SGCZ: variants seen among roughly 807,000 people sequenced by gnomAD.
SGCZ encodes the protein sarcoglycan zeta, also known as zeta-sarcoglycan.
SGCZ carries 40 observed loss-of-function variants against 41.3 expected under a neutral mutation model. The ratio of observed to expected loss-of-function variants is 0.97; its 90% CI spans 0.75 to 1.26. SGCZ has a LOEUF of 1.26. Among genes scored for constraint, SGCZ ranks in the 50% most tolerant of loss-of-function variants. The pLI is 0.00. For synonymous variants in SGCZ, 206 were observed against 137.5 expected (o/e 1.50, Z -3.49); for missense variants, 552 against 369.8 (o/e 1.49, Z -4.04).
intron 1 of SGCZ, among the ~76,000 whole-genome samples, chr8:14,916,708 C>CTTTGTCAATCTA (rs1563361500): frequency 1.3e-5 from 2 of 152,128 alleles, no homozygotes; most frequent in Non-Finnish European, 1.5e-5. Flanking sequence ...AATCTAGACA[C>CTTTGTCAATCTA]GAGTAAAGTT....
intron 1 of SGCZ, among the ~76,000 whole-genome samples, chr8:14,734,960 A>G (rs1798982858): frequency 6.6e-6 from 1 of 152,178 alleles, no homozygotes; most frequent in Non-Finnish European, 1.5e-5. Flanking sequence ...TTGATTAATA[A>G]TTGCTTGTTA....
At chr8:14,341,750 A>C (rs190008657) in intron 2 of SGCZ, among the ~76,000 whole-genome samples, 32 of 152,206 alleles carry the variant, frequency 2.1e-4, no homozygotes, top group African/African-American at 7.5e-4. Flanking sequence ...ATGAGATCTG[A>C]TGGGTTTAAT....
chr8:14,914,430 T>G (rs1799366219), intron 1 of SGCZ, among the ~76,000 whole-genome samples: 1 of 152,254 alleles, frequency 6.6e-6, no homozygotes, highest in Non-Finnish European at 1.5e-5. Context: ...CTGAAAACTC[T>G]TATGCTCTGT....
chr8:14,451,821 C>G (rs1034744945), intron 2 of SGCZ, among the ~76,000 whole-genome samples: 1 of 152,202 alleles, frequency 6.6e-6, no homozygotes. Context: ...GTCCAGAACA[C>G]TGACAACCCC....
chr8:15,090,339 C>T (rs1806111987), intron 1 of SGCZ, among the ~76,000 whole-genome samples: 1 of 152,184 alleles, frequency 6.6e-6, no homozygotes, highest in South Asian at 2.1e-4. Flanking sequence ...TGACTTAAAT[C>T]ATCCTGAATA....
intron 1 of SGCZ, among the ~76,000 whole-genome samples, chr8:14,562,354 C>T (rs1804231558): frequency 6.6e-6 from 1 of 152,054 alleles, no homozygotes. Context: ...CATTATGAAT[C>T]TCACGTTTGA....
chr8:15,076,188 AT>A (rs1805524090), intron 1 of SGCZ, among the ~76,000 whole-genome samples: 1 of 152,146 alleles, frequency 6.6e-6, no homozygotes, highest in South Asian at 2.1e-4. Context: ...ATTCTTAGAA[AT>A]TTTTCATGAC....
chr8:14,267,545 G>T (rs971668526), intron 3 of SGCZ, among the ~76,000 whole-genome samples: 5 of 151,936 alleles, frequency 3.3e-5, no homozygotes, highest in Non-Finnish European at 5.9e-5. Flanking sequence ...TTCTGGTATC[G>T]CCTAGTCTCA....
intron 1 of SGCZ, among the ~76,000 whole-genome samples, chr8:15,216,442 G>A (rs1002621670): frequency 3.3e-5 from 5 of 151,734 alleles, no homozygotes; most frequent in African/African-American, 7.3e-5. Context: ...GGATGGTCTC[G>A]ATCTCCTGAC....
At chr8:14,299,595 C>T (rs1801121458) in intron 3 of SGCZ, among the ~76,000 whole-genome samples, 1 of 151,886 alleles carries the variant, frequency 6.6e-6, no homozygotes, top group South Asian at 2.1e-4. Context: ...ATGTGAATAT[C>T]TCTGACAACC....
intron 5 of SGCZ, among the ~76,000 whole-genome samples, chr8:14,154,094 G>T (rs1224185202): frequency 2.0e-5 from 3 of 152,070 alleles, no homozygotes; most frequent in Non-Finnish European, 4.4e-5. Context: ...TTTCTGGCCG[G>T]GCCCGGTGGC....
intron 1 of SGCZ, among the ~76,000 whole-genome samples, chr8:14,594,088 T>C (rs1912469): frequency 0.53 from 80,269 of 151,500 alleles, 21,816 homozygotes; most frequent in Non-Finnish European, 0.61. Flanking sequence ...CGTGGGAGAA[T>C]TGCTTCAGCC....
At chr8:14,883,245 A>T (rs1804662133) in intron 1 of SGCZ, among the ~76,000 whole-genome samples, 1 of 151,450 alleles carries the variant, frequency 6.6e-6, no homozygotes, top group Non-Finnish European at 1.5e-5. Flanking sequence ...TAAAAAAAAA[A>T]AAAAACCACA....
intron 6 of SGCZ, among the ~76,000 whole-genome samples, 186 bp from the exon 7 acceptor site, chr8:14,102,685 T>C (rs1471690525): frequency 6.6e-6 from 1 of 152,196 alleles, no homozygotes; most frequent in African/African-American, 2.4e-5. Context: ...AATTTTTGAT[T>C]GACGTATCTA....
chr8:15,220,355 T>C (rs145464287), intron 1 of SGCZ, among the ~76,000 whole-genome samples: 1 of 152,160 alleles, frequency 6.6e-6, no homozygotes. Context: ...ATAGTAAGCA[T>C]GTTTTCTTGA....
chr8:14,831,632 A>ATG (rs142488527), intron 1 of SGCZ, among the ~76,000 whole-genome samples: 21,866 of 150,692 alleles, frequency 0.15, 2,436 homozygotes, highest in African/African-American at 0.31. Flanking sequence ...ATAGACACAT[A>ATG]TGTGTGTGTG....
At chr8:14,669,256 G>A (rs1808017709) in intron 1 of SGCZ, among the ~76,000 whole-genome samples, 1 of 151,522 alleles carries the variant, frequency 6.6e-6, no homozygotes. Context: ...TACTCAGGAG[G>A]TGAGAGGCAG....
chr8:14,784,913 A>AAATATATATAT (rs1408574493), intron 1 of SGCZ, among the ~76,000 whole-genome samples: 5 of 88,038 alleles, frequency 5.7e-5, no homozygotes, highest in African/African-American at 2.3e-4. Flanking sequence ...AAAAAAAAAA[A>AAATATATATAT]ATATATATAT....
chr8:14,620,883 G>A (rs75443471), intron 1 of SGCZ, among the ~76,000 whole-genome samples: 118,434 of 151,986 alleles, frequency 0.78, 46,595 homozygotes, highest in Non-Finnish European at 0.83. Flanking sequence ...CAGTGTGGTG[G>A]TTCCTCAAGG....
Sources: allele counts gnomAD v4.1 joint callset (sites outside exome capture counted in the v4.1 genomes callset), GRCh38; gene constraint gnomAD v4.1.1; transcripts MANE v1.5; gene names NCBI Gene and HGNC (gene_info 2026-07-23, HGNC 2026-07-21).